MEOX2: variants seen among roughly 807,000 people sequenced by gnomAD.
MEOX2 encodes homeobox protein MOX-2.
MEOX2 carries 11 observed loss-of-function variants against 27.0 expected under a neutral mutation model. The observed-to-expected ratio is 0.41, with a 90% CI of 0.26 to 0.68. The LOEUF (loss-of-function observed/expected upper bound fraction) is 0.68, where lower values mean the gene tolerates loss of function less well. Among genes scored for constraint, MEOX2 ranks in the 30% least tolerant of loss-of-function variants. The pLI is 0.33. For missense variants in MEOX2, 436 were observed against 385.4 expected (o/e 1.13, Z -1.10); for synonymous variants, 189 against 155.4 (o/e 1.22, Z -1.61).
In MEOX2 at chr7:15,612,320, G is replaced by A; in HGVS notation, c.*67C>T. 1 of 1,242,978 alleles carries A rather than the reference G, an allele frequency of 8.0e-7. No homozygotes were observed. Among genetic ancestry groups the A allele is most frequent in the Non-Finnish European group, 1.2e-6 (1 of 845,794 alleles). 77.0% of individuals were successfully genotyped at this position (1,242,978 alleles called of 1,614,324 possible). A position where few individuals can be genotyped will look rare whatever the true frequency, so the allele number is the denominator to read the frequency against. Reference sequence around the variant, plus strand: ...GCCATAGTCATCTCTCTGTGTAAACGATATTTGGGTAAGGCTTGCCATCAC... The same window carrying A: ...GCCATAGTCATCTCTCTGTGTAAACAATATTTGGGTAAGGCTTGCCATCAC... On this transcript the variant is annotated 3_prime_UTR_variant, in exon 3 of 3. Coordinates refer to ENST00000262041, the MANE Select transcript of MEOX2 (RefSeq NM_005924.5).
In MEOX2 at chr7:15,634,941, C is replaced by G. The variant is rs372622876; in HGVS notation, c.518-8023G>C. The stretch of plus-strand genomic sequence containing the variant: ...AAATTACCATGTTCCTAAGCCATCC[C>G]TTAGAGGTGTGAGAGTTTCAGTAAA... On this transcript the variant is annotated intron_variant, in intron 1 of 2. Coordinates refer to ENST00000262041, the MANE Select transcript of MEOX2 (RefSeq NM_005924.5). Among the ~76,000 whole-genome samples, 7 of 152,020 alleles carry G rather than the reference C, an allele frequency of 4.6e-5. No individual in the cohort carries two copies. The East Asian group carries it at 1.2e-3, about 25-fold the overall frequency.
At chr7:15,682,654 A>G (rs532801647) in intron 1 of MEOX2, among the ~76,000 whole-genome samples, 1 of 152,010 alleles carries the variant, frequency 6.6e-6, no homozygotes, top group East Asian at 1.9e-4. Flanking sequence ...TCGATCAATG[A>G]ATTAATTTTA....
chr7:15,640,675 C>T (rs1781545735), intron 1 of MEOX2, among the ~76,000 whole-genome samples: 1 of 152,046 alleles, frequency 6.6e-6, no homozygotes, highest in East Asian at 1.9e-4. Context: ...TCATACATGG[C>T]TCTTAGTATT....
intron 1 of MEOX2, among the ~76,000 whole-genome samples, chr7:15,685,353 TAAAA>T (rs113917849): frequency 6.8e-6 from 1 of 147,032 alleles, no homozygotes; most frequent in Non-Finnish European, 1.5e-5. Flanking sequence ...ATAAGAATGT[TAAAA>T]AAAAAAAACT....
At chr7:15,621,960 T>C (rs1042313807) in intron 2 of MEOX2, among the ~76,000 whole-genome samples, 2 of 152,038 alleles carry the variant, frequency 1.3e-5, no homozygotes, top group Admixed American at 1.3e-4. Context: ...CTACTAAAAA[T>C]ACAAAAAATT....
chr7:15,673,352 A>T (rs1318657179), intron 1 of MEOX2, among the ~76,000 whole-genome samples: 1 of 151,812 alleles, frequency 6.6e-6, no homozygotes, highest in East Asian at 1.9e-4. Flanking sequence ...AGGTGTAACC[A>T]TCCACATTTT....
chr7:15,657,674 C>T (rs1399520518), intron 1 of MEOX2, among the ~76,000 whole-genome samples: 1 of 152,052 alleles, frequency 6.6e-6, no homozygotes, highest in Non-Finnish European at 1.5e-5. Context: ...CATTTTTAGC[C>T]AATTATGACA....
intron 1 of MEOX2, among the ~76,000 whole-genome samples, chr7:15,662,175 T>C (rs752673035): frequency 4.0e-5 from 6 of 149,974 alleles, no homozygotes; most frequent in Non-Finnish European, 8.9e-5. Flanking sequence ...TTTCAGTTAA[T>C]TTTTGAGAAG....
In MEOX2 at chr7:15,612,626, G is replaced by A. The variant is rs1478248404; in HGVS notation, c.691-15C>T. On this transcript the variant is annotated splice_polypyrimidine_tract_variant and intron_variant, in intron 2 of 2. Transcript: ENST00000262041. Reference sequence around the variant, plus strand: ...CAGACTTTCACCTTCAACCAAGAAAGGGAACAAACAAACAGAAAAAAAGAG... The same window carrying A: ...CAGACTTTCACCTTCAACCAAGAAAAGGAACAAACAAACAGAAAAAAAGAG... The A allele has an allele frequency of 1.2e-6, 2 of 1,607,028 alleles. No homozygotes were observed. Among genetic ancestry groups the A allele is most frequent in the East Asian group, 2.2e-5 (1 of 44,802 alleles).
rs769606593 is a variant in MEOX2 at position 15,626,927 on chromosome 7, A to C, written c.518-9T>G. 6 of 1,611,510 alleles carry C rather than the reference A, an allele frequency of 3.7e-6. No homozygotes were observed. In the South Asian group the frequency reaches 6.6e-5, roughly 18 times the overall value. On this transcript the variant is annotated splice_polypyrimidine_tract_variant and intron_variant, in intron 1 of 2. Coordinates refer to ENST00000262041, the MANE Select transcript of MEOX2 (RefSeq NM_005924.5). The stretch of plus-strand genomic sequence containing the variant: ...ATTTCCTTCCTGGGAGTCTGAAAAA[A>C]AAGGGAGACAGAATTGGTAATAACT...
chr7:15,662,555 T>C (rs1209471467), intron 1 of MEOX2, among the ~76,000 whole-genome samples: 1 of 151,986 alleles, frequency 6.6e-6, no homozygotes, highest in African/African-American at 2.4e-5. Flanking sequence ...ATTAAACATA[T>C]TTTGTAGTTG....
chr7:15,618,723 T>C (rs1781165369), intron 2 of MEOX2, among the ~76,000 whole-genome samples: 1 of 151,886 alleles, frequency 6.6e-6, no homozygotes. Flanking sequence ...TATGATTGTT[T>C]AAATTCTTTA....
intron 1 of MEOX2, among the ~76,000 whole-genome samples, chr7:15,630,152 C>A (rs545179562): frequency 2.2e-4 from 33 of 152,032 alleles, no homozygotes; most frequent in Non-Finnish European, 4.6e-4. Context: ...ACTCTCTCAG[C>A]GCTTCGAGGA....
Position 15,612,327 on chromosome 7 carries a change from G to T in MEOX2, c.*60C>A. 1 of 1,299,456 alleles carries T rather than the reference G, an allele frequency of 7.7e-7. No individual in the cohort carries two copies. Among genetic ancestry groups the T allele is most frequent in the Non-Finnish European group, 1.1e-6 (1 of 896,222 alleles). The allele number at this position is 1,299,456 out of a possible 1,614,324, so 80.5% of individuals were successfully genotyped here. A position where few individuals can be genotyped will look rare whatever the true frequency, so the allele number is the denominator to read the frequency against. ...TCATCTCTCTGTGTAAACGATATTT[G>T]GGTAAGGCTTGCCATCACAACATTT... On this transcript the variant is annotated 3_prime_UTR_variant, in exon 3 of 3. Transcript: ENST00000262041.
chr7:15,623,043 G>T (rs563044705), intron 2 of MEOX2, among the ~76,000 whole-genome samples: 1 of 152,278 alleles, frequency 6.6e-6, no homozygotes, highest in South Asian at 2.1e-4. Flanking sequence ...AGAAATAAAT[G>T]TGTGTTGTTT....
At chr7:15,658,742 C>T (rs1363418743) in intron 1 of MEOX2, among the ~76,000 whole-genome samples, 1 of 152,138 alleles carries the variant, frequency 6.6e-6, no homozygotes, top group Non-Finnish European at 1.5e-5. Context: ...GAAATGGTCT[C>T]TCTGCATGTG....
At chr7:15,626,658 C>G in intron 2 of MEOX2, 88 bp downstream of exon 2, 2 of 932,492 alleles carry the variant, frequency 2.1e-6, no homozygotes, top group Non-Finnish European at 3.3e-6. Context: ...TTCAAGAATT[C>G]TGGATCTAGG....
At chr7:15,677,687 C>G (rs1782221728) in intron 1 of MEOX2, 1 of 152,168 alleles carries the variant, frequency 6.6e-6, no homozygotes, top group Non-Finnish European at 1.5e-5. Context: ...GTTAGGGGTG[C>G]TAATATATTC....
At chr7:15,634,128 A>G (rs1424356485) in intron 1 of MEOX2, among the ~76,000 whole-genome samples, 2 of 151,974 alleles carry the variant, frequency 1.3e-5, no homozygotes, top group Non-Finnish European at 2.9e-5. Context: ...CTATTATAAA[A>G]TTTGAAACCA....
Sources: allele counts gnomAD v4.1 joint callset (sites outside exome capture counted in the v4.1 genomes callset), GRCh38; gene constraint gnomAD v4.1.1; transcripts MANE v1.5; gene names NCBI Gene and HGNC (gene_info 2026-07-23, HGNC 2026-07-21).